WNT3: variants seen among roughly 807,000 people sequenced by gnomAD.
The protein encoded by WNT3 is Wnt family member 3, also known as proto-oncogene Wnt-3.
WNT3 carries 7 observed loss-of-function variants against 34.2 expected under a neutral mutation model. The ratio of observed to expected loss-of-function variants is 0.20; its 90% CI spans 0.12 to 0.38. The LOEUF (loss-of-function observed/expected upper bound fraction) is 0.38. Ranked by LOEUF, WNT3 falls within the 10% of genes least tolerant of loss-of-function variation. The pLI, the probability that WNT3 is intolerant of heterozygous loss-of-function variation, is 1.00. For synonymous variants in WNT3, 212 were observed against 211.5 expected, an observed-to-expected ratio of 1.00 and a Z score of -0.02; for missense variants, 267 against 499.8, an observed-to-expected ratio of 0.53 and a Z score of 4.44.
chr17:46,766,049 A>G (rs573075038), intron 4 of WNT3, among the ~76,000 whole-genome samples: 11 of 152,270 alleles, frequency 7.2e-5, no homozygotes, highest in African/African-American at 2.4e-4. Context: ...AGCACTTTAC[A>G]TAAGATTGAG....
At chr17:46,816,146 C>A (rs2146474573) in intron 1 of WNT3, among the ~76,000 whole-genome samples, 1 of 152,048 alleles carries the variant, frequency 6.6e-6, no homozygotes, top group Non-Finnish European at 1.5e-5. Flanking sequence ...CACACGCACG[C>A]ACGCACACAC....
At chr17:46,786,126 C>T (rs189881340) in intron 1 of WNT3, among the ~76,000 whole-genome samples, 61 of 116,756 alleles carry the variant, frequency 5.2e-4, no homozygotes, top group African/African-American at 1.7e-3. Flanking sequence ...GAGGAGGGTG[C>T]GAGAGAGGGA....
chr17:46,816,598 G>A (rs1442066927), intron 1 of WNT3, among the ~76,000 whole-genome samples: 1 of 151,872 alleles, frequency 6.6e-6, no homozygotes. Flanking sequence ...ATTATGTTAG[G>A]GCCAATGTCT....
intron 1 of WNT3, among the ~76,000 whole-genome samples, chr17:46,783,280 C>T (rs980250157): frequency 6.6e-6 from 1 of 152,198 alleles, no homozygotes; most frequent in Admixed American, 6.5e-5. Context: ...TTGATTTAGC[C>T]CCAGCTGTCA....
At chr17:46,774,078 G>A (rs1032311424) in intron 1 of WNT3, among the ~76,000 whole-genome samples, 169 bp from the exon 2 acceptor site, 3 of 152,246 alleles carry the variant, frequency 2.0e-5, no homozygotes, top group Non-Finnish European at 4.4e-5. Context: ...CCCTCAAAGC[G>A]CAGAGCTCTG....
intron 4 of WNT3, among the ~76,000 whole-genome samples, chr17:46,767,849 T>C (rs1190817452): frequency 1.3e-5 from 2 of 152,002 alleles, no homozygotes; most frequent in Admixed American, 1.3e-4. Flanking sequence ...AGTCCAGTGG[T>C]GCAATCTCAG....
At chr17:46,813,408 T>G (rs1003448845) in intron 1 of WNT3, among the ~76,000 whole-genome samples, 3 of 147,598 alleles carry the variant, frequency 2.0e-5, no homozygotes, top group Non-Finnish European at 4.5e-5. Context: ...CTCTCACCAT[T>G]TTCCAGCATA....
chr17:46,810,004 C>CTTTTTTTTTTTTTTT, intron 1 of WNT3, among the ~76,000 whole-genome samples: 1 of 126,390 alleles, frequency 7.9e-6, no homozygotes, highest in Non-Finnish European at 1.6e-5. Flanking sequence ...TTCTTTCTTT[C>CTTTTTTTTTTTTTTT]TTTTTTTTTT....
Position 46,800,363 on chromosome 17 carries a change from G to A in WNT3, c.80+18155C>T, listed in dbSNP as rs539082160. Among the ~76,000 whole-genome samples the A allele has an allele frequency of 7.2e-5, 11 of 152,126 alleles. No homozygotes were observed. The East Asian group carries it at 1.4e-3, about 19-fold the overall frequency. ...TGACCTCAGGTGATCCGCCCACCTC[G>A]GCCTCCCAAAGTGCTGGGATTACAG... is the stretch of plus-strand genomic sequence containing the variant. On this transcript the variant is annotated intron_variant, in intron 1 of 4. Coordinates refer to ENST00000225512, the MANE Select transcript of WNT3 (RefSeq NM_030753.5).
Position 46,803,286 on chromosome 17 carries a change from C to A in WNT3, c.80+15232G>T, listed in dbSNP as rs549954149. On this transcript the variant is annotated intron_variant, in intron 1 of 4. Transcript: ENST00000225512. ...TAGCGGCTCACACCTGTAATCCCAGCACTTTCGGAGGCCCAGACAGGCAGA... is the reference window on the plus strand; with the variant it reads ...TAGCGGCTCACACCTGTAATCCCAGAACTTTCGGAGGCCCAGACAGGCAGA... Among the ~76,000 whole-genome samples the A allele has an allele frequency of 8.5e-4, 130 of 152,348 alleles. 1 individual carries two copies. In the South Asian group the frequency reaches 0.012, roughly 14 times the overall value.
At chr17:46,807,322 A>T (rs2084210643) in intron 1 of WNT3, among the ~76,000 whole-genome samples, 1 of 152,204 alleles carries the variant, frequency 6.6e-6, no homozygotes, top group Admixed American at 6.5e-5. Flanking sequence ...ATCTCTACTG[A>T]AAATACAAAA....
chr17:46,798,333 C>T (rs553572393), intron 1 of WNT3, among the ~76,000 whole-genome samples: 2 of 152,286 alleles, frequency 1.3e-5, no homozygotes, highest in Admixed American at 6.5e-5. Context: ...CAGATGGACA[C>T]GACGGCCTAG....
At chr17:46,803,663 C>A (rs912701186) in intron 1 of WNT3, among the ~76,000 whole-genome samples, 1 of 152,250 alleles carries the variant, frequency 6.6e-6, no homozygotes, top group Non-Finnish European at 1.5e-5. Flanking sequence ...TAGCCCCAGG[C>A]CTGCAGCCTG....
chr17:46,770,062 G>A lies in WNT3; in HGVS notation c.323-14C>T. ...ACTCGCGGGTGGCTGCGGGGAGGTC[G>A]TGGGGAGGCAGCACTCAGGACCCGG... On this transcript the variant is annotated splice_polypyrimidine_tract_variant and intron_variant, in intron 2 of 4. Transcript: ENST00000225512. 1 of 1,534,068 alleles carries A rather than the reference G, an allele frequency of 6.5e-7. No homozygotes were observed. Among genetic ancestry groups the A allele is most frequent in the Non-Finnish European group, 8.8e-7 (1 of 1,141,128 alleles).
At chr17:46,796,578 C>T (rs1378247003) in intron 1 of WNT3, among the ~76,000 whole-genome samples, 1 of 152,208 alleles carries the variant, frequency 6.6e-6, no homozygotes, top group Non-Finnish European at 1.5e-5. Context: ...TCGGGGCACA[C>T]AGAGAGGCAA....
intron 1 of WNT3, among the ~76,000 whole-genome samples, chr17:46,802,974 T>G (rs941798221): frequency 6.6e-6 from 1 of 152,162 alleles, no homozygotes; most frequent in African/African-American, 2.4e-5. Flanking sequence ...GGAGCACATG[T>G]AAAGCAGCCT....
chr17:46,786,227 G>A (rs777767191), intron 1 of WNT3, among the ~76,000 whole-genome samples: 8 of 152,116 alleles, frequency 5.3e-5, no homozygotes, highest in Non-Finnish European at 1.0e-4. Flanking sequence ...GGAGGGAAGA[G>A]GGGACAAGAG....
chr17:46,774,355 C>T (rs758718388), intron 1 of WNT3, among the ~76,000 whole-genome samples: 1 of 152,214 alleles, frequency 6.6e-6, no homozygotes, highest in Admixed American at 6.5e-5. Flanking sequence ...GGGACACGCG[C>T]GCGCGCGCAC....
At chr17:46,791,109 G>A (rs1253224055) in intron 1 of WNT3, among the ~76,000 whole-genome samples, 3 of 152,144 alleles carry the variant, frequency 2.0e-5, no homozygotes, top group Non-Finnish European at 4.4e-5. Context: ...ACACTCTTTG[G>A]CTTCAAGGCA....
Sources: gnomAD v4.1 joint callset for allele counts (sites outside exome capture counted in the v4.1 genomes callset) on GRCh38, gnomAD v4.1.1 for gene constraint, MANE v1.5 for transcripts, NCBI Gene and HGNC (gene_info 2026-07-23, HGNC 2026-07-21) for gene names.